The following RNPEPL1 variants were observed in gnomAD, a reference collection of about 807,000 sequenced individuals.
RNPEPL1 encodes arginyl aminopeptidase like 1.
Under a neutral mutation model 69.0 loss-of-function variants are expected in RNPEPL1, and 46 were observed. That is an observed-to-expected ratio of 0.67 (90% CI 0.53 to 0.85). The LOEUF (loss-of-function observed/expected upper bound fraction) is 0.85. Ranked by LOEUF, RNPEPL1 falls within the 40% of genes least tolerant of loss-of-function variation. The probability of loss-of-function intolerance (pLI) is 0.00; values close to 1 mark genes in which losing one functional copy is unlikely to be tolerated. For synonymous variants in RNPEPL1, 525 were observed against 454.1 expected, an observed-to-expected ratio of 1.16 and a Z score of -1.98; for missense variants, 869 against 992.5, an observed-to-expected ratio of 0.88 and a Z score of 1.67.
Position 240,569,095 on chromosome 2 carries a change from C to A in RNPEPL1, c.509C>A (p.Thr170Asn). 1 of 1,500,992 alleles carries A rather than the reference C, an allele frequency of 6.7e-7. No individual in the cohort carries two copies. The highest frequency in any genetic ancestry group is 2.1e-5 in the Admixed American group (1 of 47,726). 93.0% of individuals were successfully genotyped at this position (1,500,992 alleles called of 1,614,324 possible). The change falls in exon 1 of 11, where the codon ACC becomes AAC. Residue 170 changes from threonine (T) to asparagine (N), a missense_variant. Around this residue, in one of 2 missense-constraint regions of RNPEPL1, gnomAD observed 610 missense variants for 790.9 expected, o/e 0.77. Transcript: ENST00000270357. The part of the protein sequence containing the change: ...HQPFQVILRY[T>N]STDAPAIWWL... ...CCCTTCCAGGTCATCCTGCGGTACACCTCGACCGACGCCCCCGCCGTGAGT... is the reference window on the plus strand; with the variant it reads ...CCCTTCCAGGTCATCCTGCGGTACAACTCGACCGACGCCCCCGCCGTGAGT...
chr2:240,569,227 CT>C, intron 1 of RNPEPL1, 113 bp downstream of exon 1: 1 of 1,141,864 alleles, frequency 8.8e-7, no homozygotes, highest in Non-Finnish European at 1.1e-6. Flanking sequence ...AGGTGCCCCC[CT>C]CCCCCCACCC....
Position 240,579,146 on chromosome 2 carries a change from C to G in RNPEPL1, c.*1254C>G, listed in dbSNP as rs936151334. The G allele has an allele frequency of 2.6e-5, 4 of 152,310 alleles. No individual in the cohort carries two copies. Among genetic ancestry groups the G allele is most frequent in the African/African-American group, 7.2e-5 (3 of 41,462 alleles). 9.4% of individuals were successfully genotyped at this position (152,310 alleles called of 1,614,324 possible). A position where few individuals can be genotyped will look rare whatever the true frequency, so the allele number is the denominator to read the frequency against. ...GGCGCCACCATCTCAGTGCCACGCA[C>G]ACCTGGCCAACATGCCGTGGCCCAG... is the stretch of plus-strand genomic sequence containing the variant. On this transcript the variant is annotated 3_prime_UTR_variant, in exon 11 of 11. Coordinates refer to ENST00000270357, the MANE Select transcript of RNPEPL1 (RefSeq NM_018226.6).
At position 240,580,257 on chromosome 2, in the gene RNPEPL1, A is replaced by G. The variant is rs934734436; in HGVS notation, c.*2365A>G. 2.0e-5 allele frequency: 3 copies of G among 151,216 alleles called. No homozygotes were observed. The highest frequency in any genetic ancestry group is 4.4e-5 in the Non-Finnish European group (3 of 67,770). The allele number at this position is 151,216 out of a possible 1,614,324, so 9.4% of individuals were successfully genotyped here. A position where few individuals can be genotyped will look rare whatever the true frequency, so the allele number is the denominator to read the frequency against. ...ATACTCAGGCCAGTGTTGTTTCCCA[A>G]CCTCTCCACTAGATACGCACACTTA... On this transcript the variant is annotated 3_prime_UTR_variant, in exon 11 of 11. Transcript: ENST00000270357.
chr2:240,575,743 G>A (rs892164543), intron 8 of RNPEPL1, 133 bp downstream of exon 8: 6 of 705,988 alleles, frequency 8.5e-6, no homozygotes, highest in African/African-American at 1.8e-5. Flanking sequence ...GCCAACCCTT[G>A]CTGGACCATG....
rs1371801411 is a variant in RNPEPL1, at chr2:240,580,751, T to C, written c.*2859T>C. ...GACAACGACGGAGCTGAGGCCAGAA[T>C]GTGAGAGAGATCTGCATTTTGGGGA... On this transcript the variant is annotated 3_prime_UTR_variant, in exon 11 of 11. Transcript: ENST00000270357. 6.6e-6 allele frequency: 1 copy of C among 152,130 alleles called. No individual in the cohort carries two copies. Among genetic ancestry groups the C allele is most frequent in the African/African-American group, 2.4e-5 (1 of 41,378 alleles). The allele number at this position is 152,130 out of a possible 1,614,324, so 9.4% of individuals were successfully genotyped here.
intron 3 of RNPEPL1, 76 bp from the exon 4 acceptor site, chr2:240,573,699 G>A (rs1024954561): frequency 8.0e-7 from 1 of 1,257,100 alleles, no homozygotes; most frequent in South Asian, 1.5e-5. Context: ...TGGAGCCCCA[G>A]GGCAGTGGGA....
rs1439644286 is a variant in RNPEPL1 at position 240,574,421 on chromosome 2, G to GC, written c.1174+79dup. 2.6e-6 allele frequency: 4 copies of GC among 1,548,928 alleles called. No individual in the cohort carries two copies. The East Asian group carries it at 7.0e-5, about 27-fold the overall frequency. ...GTCCAGGGGCAGAGAGCCTAGCCTG[G>GC]CCCCCCTGCCATGCTGCAGGTGCCC... is the stretch of plus-strand genomic sequence containing the variant. On this transcript the variant is annotated intron_variant, in intron 5 of 10. Transcript: ENST00000270357.
In RNPEPL1 at chr2:240,577,907, TGACCCTC is replaced by T. The variant is rs2093042485; in HGVS notation, c.*20_*26del. 6.8e-7 allele frequency: 1 copy of T among 1,474,556 alleles called. No individual in the cohort carries two copies. The highest frequency in any genetic ancestry group is 2.4e-5 in the East Asian group (1 of 42,276). 91.3% of individuals were successfully genotyped at this position (1,474,556 alleles called of 1,614,324 possible). A position where few individuals can be genotyped will look rare whatever the true frequency, so the allele number is the denominator to read the frequency against. ...TGTCTGCCTAGCCCTGTTGGCGGGC[TGACCCTC>T]GACCTCCCAGACACCACAATTGTGC... On this transcript the variant is annotated 3_prime_UTR_variant, in exon 11 of 11. Coordinates refer to ENST00000270357, the MANE Select transcript of RNPEPL1 (RefSeq NM_018226.6).
chr2:240,578,022 T>G lies in RNPEPL1; in HGVS notation c.*130T>G. Reference sequence around the variant, plus strand: ...AGGCCCACAAGCCCCTCCCCTGGGCTCTCCCAGGCAGGGAGAATGGGGAGA... The same window carrying G: ...AGGCCCACAAGCCCCTCCCCTGGGCGCTCCCAGGCAGGGAGAATGGGGAGA... On this transcript the variant is annotated 3_prime_UTR_variant, in exon 11 of 11. Transcript: ENST00000270357. 3.2e-6 allele frequency: 3 copies of G among 927,782 alleles called. No individual in the cohort carries two copies. The highest frequency in any genetic ancestry group is 4.5e-6 in the Non-Finnish European group (3 of 666,168). The allele number at this position is 927,782 out of a possible 1,614,324, so 57.5% of individuals were successfully genotyped here.
chr2:240,576,167 A>G (rs933768320), intron 8 of RNPEPL1: 6 of 330,780 alleles, frequency 1.8e-5, no homozygotes, highest in African/African-American at 4.2e-5. Context: ...AAGAGCAGGA[A>G]TATCATCTTA....
At chr2:240,577,044 G>A in intron 10 of RNPEPL1, 54 bp downstream of exon 10, 2 of 1,603,304 alleles carry the variant, frequency 1.2e-6, no homozygotes, top group Non-Finnish European at 1.7e-6. Flanking sequence ...GTGCGGACTG[G>A]GAGTCCCACC....
intron 2 of RNPEPL1, 122 bp downstream of exon 2, chr2:240,572,685 T>C: frequency 7.9e-7 from 1 of 1,258,466 alleles, no homozygotes; most frequent in Non-Finnish European, 1.1e-6. Flanking sequence ...GCCACAGTGC[T>C]AGCAGGAGCC....
Position 240,580,203 on chromosome 2 carries a change from A to G in RNPEPL1, c.*2311A>G, listed in dbSNP as rs2093048940. On this transcript the variant is annotated 3_prime_UTR_variant, in exon 11 of 11. Coordinates refer to ENST00000270357, the MANE Select transcript of RNPEPL1 (RefSeq NM_018226.6). The stretch of plus-strand genomic sequence containing the variant: ...TTTTTTTAGCTCGTCGCTTCCCTGC[A>G]GTCCCTTGTCCAATGCAGCCTCCGG... 6.6e-6 allele frequency: 1 copy of G among 152,210 alleles called. No homozygotes were observed. The highest frequency in any genetic ancestry group is 1.5e-5 in the Non-Finnish European group (1 of 68,114). The allele number at this position is 152,210 out of a possible 1,614,324, so 9.4% of individuals were successfully genotyped here.
chr2:240,576,591 C>G lies in RNPEPL1; in HGVS notation c.1567C>G (p.Leu523Val). ...ATGPPLAEPD[L>V]SQGSSLTRPV... ...AGGCCCGCCGCTGGCTGAGCCGGAC[C>G]TGTCTCAGGGATCCAGCCTGACCCG... Residue 523 changes from leucine (L) to valine (V), a missense_variant, in exon 9 of 11, where the codon CTG becomes GTG. This residue lies in a region of RNPEPL1 where 610 missense variants were observed against 790.9 expected (regional missense o/e 0.77). Transcript: ENST00000270357. 1.2e-6 allele frequency: 2 copies of G among 1,613,016 alleles called. No homozygotes were observed. The highest frequency in any genetic ancestry group is 2.2e-5 in the East Asian group (1 of 44,870).
chr2:240,579,693 G>C lies in RNPEPL1; in HGVS notation c.*1801G>C, dbSNP rs2093047889. On this transcript the variant is annotated 3_prime_UTR_variant, in exon 11 of 11. Transcript: ENST00000270357. ...CCCAAGTCATGTTCTCTGTGGCCTG[G>C]GGCTCCAGCCTTGGGAGGACCCCTT... is the stretch of plus-strand genomic sequence containing the variant. The C allele has an allele frequency of 6.6e-6, 1 of 152,192 alleles. No individual in the cohort carries two copies. Among genetic ancestry groups the C allele is most frequent in the Non-Finnish European group, 1.5e-5 (1 of 68,048 alleles). The allele number at this position is 152,192 out of a possible 1,614,324, so 9.4% of individuals were successfully genotyped here.
In RNPEPL1 at chr2:240,574,114, TACG is replaced by T. The variant is rs1470613465; in HGVS notation, c.943_945del (p.Asp315del). The T allele has an allele frequency of 6.2e-7, 1 of 1,612,072 alleles. No homozygotes were observed. The highest frequency in any genetic ancestry group is 8.5e-7 in the Non-Finnish European group (1 of 1,179,378). On this transcript the variant is annotated inframe_deletion and splice_region_variant, in exon 5 of 11. Transcript: ENST00000270357. Reference sequence around the variant, plus strand: ...ACCCTCACCGCCCTCCCGGTGCAGGTACGACATTGTCTTCCTGCCACCCTCCTT... The same window carrying T: ...ACCCTCACCGCCCTCCCGGTGCAGGTACATTGTCTTCCTGCCACCCTCCTT...
chr2:240,573,794 C>T lies in RNPEPL1; in HGVS notation c.841C>T (p.Pro281Ser), dbSNP rs1183595082. The T allele has an allele frequency of 1.3e-6, 2 of 1,546,374 alleles. No homozygotes were observed. Among genetic ancestry groups the T allele is most frequent in the Non-Finnish European group, 1.7e-6 (2 of 1,144,910 alleles). ...CACCAGGAGCCGCGTGTGGGCCGAG[C>T]CATGCCTCCTGCCCACGGCCACCAG... The part of the protein sequence containing the change: ...IGPRSRVWAE[P>S]CLLPTATSKL... The change falls in exon 4 of 11, where the codon CCA becomes TCA. Residue 281 changes from proline (P) to serine (S), a missense_variant. By Grantham distance (74) the Pro-to-Ser change is moderately conservative (BLOSUM62 -1). Around this residue, in one of 2 missense-constraint regions of RNPEPL1, gnomAD observed 610 missense variants for 790.9 expected, o/e 0.77. Coordinates refer to ENST00000270357, the MANE Select transcript of RNPEPL1 (RefSeq NM_018226.6).
intron 2 of RNPEPL1, 54 bp from the exon 3 acceptor site, chr2:240,573,056 G>T: frequency 6.5e-7 from 1 of 1,532,162 alleles, no homozygotes; most frequent in Non-Finnish European, 8.8e-7. Flanking sequence ...CCCGGCCGGG[G>T]CTATGGGTGT....
Position 240,575,488 on chromosome 2 carries a change from C to T in RNPEPL1, c.1402-14C>T, listed in dbSNP as rs2093034988. 1.2e-6 allele frequency: 2 copies of T among 1,608,764 alleles called. No individual in the cohort carries two copies. The highest frequency in any genetic ancestry group is 2.7e-5 in the African/African-American group (2 of 74,854). On this transcript the variant is annotated splice_polypyrimidine_tract_variant and intron_variant, in intron 7 of 10. Transcript: ENST00000270357. The stretch of plus-strand genomic sequence containing the variant: ...CCCTTCCAGGCCTGCTGAGGCCCCA[C>T]CTCTGCCACACAGGCCTATGTGGAG...
Sources: allele counts gnomAD v4.1 joint callset, GRCh38; gene constraint gnomAD v4.1.1; regional missense constraint gnomAD v4.1.1; transcripts MANE v1.5; gene names NCBI Gene and HGNC (gene_info 2026-07-23, HGNC 2026-07-21).